RALYL: variants seen among roughly 807,000 people sequenced by gnomAD.
RALYL encodes the protein RNA-binding Raly-like protein.
Under a neutral mutation model 35.1 loss-of-function variants are expected in RALYL, and 29 were observed. The ratio of observed to expected loss-of-function variants is 0.83; its 90% confidence interval spans 0.61 to 1.13. RALYL has a LOEUF of 1.13. Among genes scored for constraint, RALYL ranks in the 50% most tolerant of loss-of-function variants. RALYL has a pLI of 0.00. For missense variants in RALYL, 359 were observed against 360.4 expected (o/e 1.00, Z 0.03); for synonymous variants, 120 against 127.6 (o/e 0.94, Z 0.40).
chr8:84,297,017 A>G (rs959444952), intron 1 of RALYL, among the ~76,000 whole-genome samples: 13 of 151,798 alleles, frequency 8.6e-5, no homozygotes, highest in African/African-American at 3.1e-4. Flanking sequence ...AACGTGTTGT[A>G]TGATTAGAAT....
At chr8:84,740,178 A>C (rs934972400) in intron 2 of RALYL, among the ~76,000 whole-genome samples, 1 of 152,016 alleles carries the variant, frequency 6.6e-6, no homozygotes, top group Non-Finnish European at 1.5e-5. Flanking sequence ...TCTGCGTTAT[A>C]CTTCGGGTGT....
intron 2 of RALYL, among the ~76,000 whole-genome samples, chr8:84,577,311 G>C (rs79815753): frequency 6.0e-4 from 92 of 152,194 alleles, no homozygotes; most frequent in Non-Finnish European, 8.7e-4. Context: ...TAAATGTCAG[G>C]CTTTTAAGGT....
intron 1 of RALYL, among the ~76,000 whole-genome samples, chr8:84,424,887 TGAG>T (rs2046166892): frequency 6.6e-6 from 1 of 151,712 alleles, no homozygotes; most frequent in Non-Finnish European, 1.5e-5. Flanking sequence ...GGGACCCACT[TGAG>T]GAGGCAGTCT....
At chr8:84,327,904 A>G (rs1477068185) in intron 1 of RALYL, among the ~76,000 whole-genome samples, 2 of 152,200 alleles carry the variant, frequency 1.3e-5, no homozygotes, top group Admixed American at 6.5e-5. Flanking sequence ...AATATACACT[A>G]TAAATAGTTT....
chr8:84,444,611 T>A lies in RALYL; in HGVS notation c.-23-84688T>A, dbSNP rs78798563. 5.6e-3 allele frequency among the ~76,000 whole-genome samples: 850 copies of A among 152,082 alleles called. 11 individuals are homozygous for A. Among genetic ancestry groups the A allele is most frequent in the African/African-American group, 0.019 (799 of 41,516 alleles). The stretch of plus-strand genomic sequence containing the variant: ...ATCACTCTAGAGGTGGTACTGAAAC[T>A]ATGGAAGAAGATATTTCTAGAAACC... On this transcript the variant is annotated intron_variant, in intron 1 of 8. Coordinates refer to ENST00000521268, the MANE Select transcript of RALYL (RefSeq NM_173848.7).
chr8:84,371,726 TCAA>T (rs1386115578), intron 1 of RALYL, among the ~76,000 whole-genome samples: 1 of 152,086 alleles, frequency 6.6e-6, no homozygotes, highest in East Asian at 1.9e-4. Context: ...TTTAGATTCA[TCAA>T]CAATTTAGAG....
chr8:84,718,366 A>G (rs904672083), intron 2 of RALYL, among the ~76,000 whole-genome samples: 2 of 152,172 alleles, frequency 1.3e-5, no homozygotes, highest in South Asian at 2.1e-4. Context: ...CAGTTTCATT[A>G]TTATTTACTG....
At position 84,396,790 on chromosome 8, in the gene RALYL, A is replaced by T. The variant is rs1338605048; in HGVS notation, c.-23-132509A>T. Among the ~76,000 whole-genome samples, 20 of 152,272 alleles carry T rather than the reference A, an allele frequency of 1.3e-4. No individual in the cohort carries two copies. In the East Asian group the frequency reaches 3.7e-3, roughly 28 times the overall value. ...TAGTTTTAGAAAATATTTGAAAAAAAAAGTCACATTAAAATGATCAGGATT... is the reference window on the plus strand; with the variant it reads ...TAGTTTTAGAAAATATTTGAAAAAATAAGTCACATTAAAATGATCAGGATT... On this transcript the variant is annotated intron_variant, in intron 1 of 8. Transcript: ENST00000521268.
intron 1 of RALYL, among the ~76,000 whole-genome samples, chr8:84,456,463 A>C (rs2050148838): frequency 6.6e-6 from 1 of 151,954 alleles, no homozygotes; most frequent in Non-Finnish European, 1.5e-5. Context: ...GCCCAAACCA[A>C]ATGTTCTTCT....
chr8:84,845,122 A>G (rs912134422), intron 4 of RALYL, among the ~76,000 whole-genome samples: 9 of 152,200 alleles, frequency 5.9e-5, no homozygotes, highest in Admixed American at 2.6e-4. Flanking sequence ...GCATAATAAA[A>G]AAATTAAAAA....
intron 2 of RALYL, among the ~76,000 whole-genome samples, chr8:84,706,958 C>G (rs1200674199): frequency 6.6e-6 from 1 of 152,122 alleles, no homozygotes; most frequent in Non-Finnish European, 1.5e-5. Flanking sequence ...TTACTCTGTA[C>G]TCAAAGTCTG....
At chr8:84,878,106 T>A (rs1374313816) in intron 7 of RALYL, among the ~76,000 whole-genome samples, 1 of 152,142 alleles carries the variant, frequency 6.6e-6, no homozygotes, top group Non-Finnish European at 1.5e-5. Flanking sequence ...AAATAAATGG[T>A]TGAAAGTCTG....
At chr8:84,614,926 G>A (rs984382857) in intron 2 of RALYL, among the ~76,000 whole-genome samples, 10 of 151,382 alleles carry the variant, frequency 6.6e-5, no homozygotes, top group South Asian at 4.1e-4. Flanking sequence ...GGCATTTTAC[G>A]ACCTCAATAA....
At chr8:84,903,583 C>A (rs900519374) in intron 8 of RALYL, among the ~76,000 whole-genome samples, 2 of 152,008 alleles carry the variant, frequency 1.3e-5, no homozygotes, top group Non-Finnish European at 2.9e-5. Context: ...GGAGGTAACT[C>A]CCATTGTTCT....
At chr8:84,398,973 CAAAAAA>C (rs10551190) in intron 1 of RALYL, among the ~76,000 whole-genome samples, 19 of 133,494 alleles carry the variant, frequency 1.4e-4, no homozygotes, top group Admixed American at 2.2e-4. Context: ...GACTCTGTCT[CAAAAAA>C]AAAAAAAAAA....
At chr8:84,615,794 G>A (rs1476829911) in intron 2 of RALYL, among the ~76,000 whole-genome samples, 7 of 121,334 alleles carry the variant, frequency 5.8e-5, no homozygotes, top group Non-Finnish European at 9.9e-5. Flanking sequence ...CTCTTCCTGT[G>A]TCCATGTGAT....
At chr8:84,262,600 G>A (rs1407621745) in intron 1 of RALYL, among the ~76,000 whole-genome samples, 1 of 151,870 alleles carries the variant, frequency 6.6e-6, no homozygotes, top group Non-Finnish European at 1.5e-5. Context: ...AAAATAACTG[G>A]CCTGAATTAC....
chr8:84,881,377 T>A (rs999572833), intron 7 of RALYL, among the ~76,000 whole-genome samples: 1 of 152,004 alleles, frequency 6.6e-6, no homozygotes, highest in Non-Finnish European at 1.5e-5. Flanking sequence ...TAGTGAATAA[T>A]GTGACTGTTT....
Position 84,703,901 on chromosome 8 carries a change from G to C in RALYL, c.257-70678G>C, listed in dbSNP as rs117152328. ...CCTGTGAATTTAAAATACATCATTA[G>C]ATCTTCATACCTGTGAATATGTACA... is the stretch of plus-strand genomic sequence containing the variant. On this transcript the variant is annotated intron_variant, in intron 2 of 8. Coordinates refer to ENST00000521268, the MANE Select transcript of RALYL (RefSeq NM_173848.7). 5.3e-3 allele frequency among the ~76,000 whole-genome samples: 813 copies of C among 152,170 alleles called. 1 individual carries two copies. The highest frequency in any genetic ancestry group is 1.0e-2 in the Non-Finnish European group (678 of 67,998).
Sources: gnomAD v4.1 joint callset for allele counts (sites outside exome capture counted in the v4.1 genomes callset) on GRCh38, gnomAD v4.1.1 for gene constraint, MANE v1.5 for transcripts, NCBI Gene and HGNC (gene_info 2026-07-23, HGNC 2026-07-21) for gene names.